The following OPCML variants were observed in gnomAD, a reference collection of about 807,000 sequenced individuals.
OPCML encodes the protein opioid-binding protein/cell adhesion molecule.
Under a neutral mutation model 37.8 loss-of-function variants are expected in OPCML, and 13 were observed. The observed-to-expected ratio is 0.34, with a 90% CI of 0.22 to 0.55. OPCML has a LOEUF of 0.55. Ranked by LOEUF, OPCML falls within the 20% of genes least tolerant of loss-of-function variation. The probability of loss-of-function intolerance (pLI) is 0.91; values close to 1 mark genes in which losing one functional copy is unlikely to be tolerated. For missense variants in OPCML, 341 were observed against 435.6 expected (o/e 0.78, Z 1.93); for synonymous variants, 176 against 168.8 (o/e 1.04, Z -0.33).
At chr11:132,931,409 G>C (rs143336703) in intron 2 of OPCML, among the ~76,000 whole-genome samples, 1 of 152,140 alleles carries the variant, frequency 6.6e-6, no homozygotes, top group Admixed American at 6.5e-5. Flanking sequence ...GGGAATATTT[G>C]TGAGTCATAT....
chr11:133,431,580 A>C (rs989103515), intron 1 of OPCML, among the ~76,000 whole-genome samples: 4 of 151,854 alleles, frequency 2.6e-5, no homozygotes, highest in African/African-American at 9.7e-5. Flanking sequence ...ATTCTCCTCC[A>C]TCAGCCTCCT....
chr11:132,770,079 G>C (rs1946588023), intron 2 of OPCML, among the ~76,000 whole-genome samples: 1 of 151,854 alleles, frequency 6.6e-6, no homozygotes, highest in Non-Finnish European at 1.5e-5. Flanking sequence ...CATATAGGGA[G>C]GTATTATTAG....
At chr11:132,976,047 G>C (rs1211186247) in intron 1 of OPCML, among the ~76,000 whole-genome samples, 1 of 152,182 alleles carries the variant, frequency 6.6e-6, no homozygotes, top group African/African-American at 2.4e-5. Context: ...TGAAACATAA[G>C]ACTAAAGCTC....
At chr11:132,927,827 G>A (rs778801857) in intron 2 of OPCML, among the ~76,000 whole-genome samples, 2 of 151,960 alleles carry the variant, frequency 1.3e-5, no homozygotes, top group African/African-American at 2.4e-5. Context: ...CATATAGGGG[G>A]ATCCAAGCTG....
intron 1 of OPCML, among the ~76,000 whole-genome samples, chr11:133,307,852 T>G (rs1487674727): frequency 6.6e-6 from 1 of 151,468 alleles, no homozygotes; most frequent in East Asian, 1.9e-4. Context: ...TTTCCAAGTT[T>G]TTTTTTTTTA....
intron 1 of OPCML, among the ~76,000 whole-genome samples, chr11:132,978,852 C>T (rs796861401): frequency 1.2e-4 from 18 of 152,250 alleles, no homozygotes; most frequent in African/African-American, 3.9e-4. Context: ...TCTCTTTCTC[C>T]GAATTCCAGA....
intron 1 of OPCML, among the ~76,000 whole-genome samples, chr11:133,394,166 G>C (rs1342414035): frequency 6.6e-6 from 1 of 152,182 alleles, no homozygotes; most frequent in Non-Finnish European, 1.5e-5. Flanking sequence ...CTGGGCTTCT[G>C]GTCTCGCAGG....
intron 1 of OPCML, among the ~76,000 whole-genome samples, chr11:133,242,592 C>T (rs1233863850): frequency 6.6e-6 from 1 of 152,152 alleles, no homozygotes; most frequent in Admixed American, 6.5e-5. Flanking sequence ...ATAAGGGCAC[C>T]AGTCATACTG....
At chr11:133,269,633 T>C (rs974391753) in intron 1 of OPCML, among the ~76,000 whole-genome samples, 2 of 152,188 alleles carry the variant, frequency 1.3e-5, no homozygotes, top group Non-Finnish European at 2.9e-5. Context: ...TGCTACCCAT[T>C]TCAGGCAATG....
chr11:132,421,396 G>A (rs1456897034), intron 7 of OPCML, among the ~76,000 whole-genome samples: 1 of 152,192 alleles, frequency 6.6e-6, no homozygotes, highest in Non-Finnish European at 1.5e-5. Flanking sequence ...TCTTTGAGAA[G>A]CAAATTGGCC....
intron 1 of OPCML, among the ~76,000 whole-genome samples, chr11:133,074,911 A>T (rs1864707): frequency 0.072 from 10,909 of 152,144 alleles, 665 homozygotes; most frequent in East Asian, 0.2. Context: ...TTAAATAACC[A>T]TGCACAGAAT....
intron 2 of OPCML, among the ~76,000 whole-genome samples, chr11:132,907,843 C>T (rs975829925): frequency 1.3e-5 from 2 of 152,106 alleles, no homozygotes; most frequent in African/African-American, 4.8e-5. Context: ...ACACGGTTTC[C>T]TTCCCCACTG....
rs372390564 is a variant in OPCML, at chr11:132,741,722, T to C, written c.147-84403A>G. Among the ~76,000 whole-genome samples, 15 of 152,270 alleles carry C rather than the reference T, an allele frequency of 9.9e-5. 1 individual carries two copies. The East Asian group carries it at 2.7e-3, about 27-fold the overall frequency. ...ATATTCATTCATTTAAAAAATCATA[T>C]TAGGATAATTAAAAGCATTTCGGGC... On this transcript the variant is annotated intron_variant, in intron 2 of 7. Transcript: ENST00000524381.
chr11:133,238,187 C>T (rs933569731), intron 1 of OPCML, among the ~76,000 whole-genome samples: 2 of 152,082 alleles, frequency 1.3e-5, no homozygotes, highest in Non-Finnish European at 2.9e-5. Flanking sequence ...GTGACAGTCC[C>T]GGATAGCAGG....
At chr11:132,734,048 T>A (rs1467961848) in intron 2 of OPCML, among the ~76,000 whole-genome samples, 2 of 152,190 alleles carry the variant, frequency 1.3e-5, no homozygotes, top group Non-Finnish European at 2.9e-5. Context: ...GATGGGATAA[T>A]AACATTTATC....
intron 1 of OPCML, among the ~76,000 whole-genome samples, chr11:133,344,321 C>A (rs1267181968): frequency 6.6e-6 from 1 of 152,150 alleles, no homozygotes; most frequent in East Asian, 1.9e-4. Flanking sequence ...GCTGTCTTTG[C>A]GAAAAGGGTG....
chr11:133,157,408 G>A (rs1009266570), intron 1 of OPCML, among the ~76,000 whole-genome samples: 54 of 152,274 alleles, frequency 3.5e-4, no homozygotes, highest in African/African-American at 1.0e-3. Context: ...GGGACACAAC[G>A]TCAGCTGTCA....
At chr11:132,710,573 C>G (rs1444304995) in intron 2 of OPCML, among the ~76,000 whole-genome samples, 1 of 152,072 alleles carries the variant, frequency 6.6e-6, no homozygotes, top group Non-Finnish European at 1.5e-5. Context: ...TAAGTGAAGG[C>G]TGGGCACAGT....
chr11:133,314,211 G>GGC (rs1383434799), intron 1 of OPCML, among the ~76,000 whole-genome samples: 1 of 123,870 alleles, frequency 8.1e-6, no homozygotes, highest in Non-Finnish European at 1.6e-5. Context: ...CTCCAGCCTG[G>GGC]GCTACAGCGA....
Sources: allele counts gnomAD v4.1 joint callset (sites outside exome capture counted in the v4.1 genomes callset), GRCh38; gene constraint gnomAD v4.1.1; transcripts MANE v1.5; gene names NCBI Gene and HGNC (gene_info 2026-07-23, HGNC 2026-07-21).